ATG10: variants seen among roughly 807,000 people sequenced by gnomAD.
The protein encoded by ATG10 is autophagy related 10.
A neutral mutation model predicts 32.1 loss-of-function variants in ATG10; 30 were observed. The observed-to-expected ratio is 0.94, with a 90% CI of 0.70 to 1.27. The LOEUF is 1.27. Among genes scored for constraint, ATG10 ranks in the 50% most tolerant of loss-of-function variants. The pLI is 0.00. For missense variants in ATG10, 233 were observed against 262.3 expected, an observed-to-expected ratio of 0.89 and a Z score of 0.77; for synonymous variants, 87 against 91.5, an observed-to-expected ratio of 0.95 and a Z score of 0.28.
At chr5:82,253,507 A>G in intron 7 of ATG10, 78 bp downstream of exon 7, 4 of 1,018,168 alleles carry the variant, frequency 3.9e-6, no homozygotes, top group Non-Finnish European at 6.1e-6. Flanking sequence ...CATCCCACCA[A>G]ATGCAAAATT....
At chr5:82,014,349 T>C (rs1215803293) in intron 2 of ATG10, among the ~76,000 whole-genome samples, 1 of 152,200 alleles carries the variant, frequency 6.6e-6, no homozygotes, top group East Asian at 1.9e-4. Flanking sequence ...TTAGGTCCAC[T>C]TGGTGCAGAG....
chr5:81,995,487 A>G (rs1056056986), intron 2 of ATG10, among the ~76,000 whole-genome samples: 25 of 152,146 alleles, frequency 1.6e-4, no homozygotes, highest in Non-Finnish European at 3.4e-4. Context: ...AACAGTAGAG[A>G]ACTTTAAGTC....
intron 3 of ATG10, among the ~76,000 whole-genome samples, chr5:82,105,331 T>C (rs747779038): frequency 8.5e-5 from 13 of 152,104 alleles, no homozygotes; most frequent in Non-Finnish European, 1.8e-4. Context: ...AAAATGTCTT[T>C]TTAGATATTG....
At chr5:82,164,251 T>G (rs1239367683) in intron 3 of ATG10, 148 bp from the exon 4 acceptor site, 1 of 736,690 alleles carries the variant, frequency 1.4e-6, no homozygotes, top group African/African-American at 1.8e-5. Context: ...TGTTAAACAT[T>G]AATATGGGAA....
intron 3 of ATG10, among the ~76,000 whole-genome samples, chr5:82,082,836 A>T (rs1249331393): frequency 6.6e-6 from 1 of 152,230 alleles, no homozygotes; most frequent in African/African-American, 2.4e-5. Context: ...TGTAAACTAG[A>T]TAAACAACTA....
intron 2 of ATG10, among the ~76,000 whole-genome samples, chr5:82,026,545 C>T (rs1294024271): frequency 6.6e-6 from 1 of 151,968 alleles, no homozygotes; most frequent in East Asian, 1.9e-4. Context: ...CTTTCTGATA[C>T]TAGGTGTTGC....
At chr5:82,010,836 C>A (rs1443206325) in intron 2 of ATG10, among the ~76,000 whole-genome samples, 1 of 152,164 alleles carries the variant, frequency 6.6e-6, no homozygotes, top group East Asian at 1.9e-4. Flanking sequence ...ACTATAGCAG[C>A]AATTGCTTGT....
At chr5:82,251,291 A>G (rs373838086) in intron 5 of ATG10, among the ~76,000 whole-genome samples, 9 of 152,200 alleles carry the variant, frequency 5.9e-5, no homozygotes, top group East Asian at 5.8e-4. Flanking sequence ...CATCCCATCA[A>G]CAGCTCTGAG....
chr5:81,975,979 G>GTTAT (rs952793752), intron 1 of ATG10, among the ~76,000 whole-genome samples: 27 of 150,818 alleles, frequency 1.8e-4, no homozygotes, highest in African/African-American at 4.4e-4. Context: ...ATGTTGTAGA[G>GTTAT]TTATTTATTT....
intron 3 of ATG10, among the ~76,000 whole-genome samples, chr5:82,092,405 G>A (rs1050266212): frequency 6.6e-6 from 1 of 152,116 alleles, no homozygotes; most frequent in Non-Finnish European, 1.5e-5. Flanking sequence ...AGATATTTCT[G>A]GTATCTACTG....
chr5:82,045,820 A>G (rs923034384), intron 2 of ATG10, among the ~76,000 whole-genome samples: 4 of 151,870 alleles, frequency 2.6e-5, no homozygotes, highest in African/African-American at 7.3e-5. Flanking sequence ...TCTGCTAACT[A>G]TGTGAGTTTG....
chr5:82,184,427 C>A (rs1393410135), intron 5 of ATG10, among the ~76,000 whole-genome samples: 1 of 152,070 alleles, frequency 6.6e-6, no homozygotes, highest in African/African-American at 2.4e-5. Context: ...TTAAGCTATG[C>A]CAAATTTAGG....
At chr5:82,176,057 T>A (rs1005190244) in intron 4 of ATG10, among the ~76,000 whole-genome samples, 2 of 152,150 alleles carry the variant, frequency 1.3e-5, no homozygotes, top group African/African-American at 4.8e-5. Context: ...TCCAAACCAT[T>A]TACTCCATAC....
intron 2 of ATG10, among the ~76,000 whole-genome samples, chr5:82,020,273 T>A (rs1167189199): frequency 6.6e-6 from 1 of 152,198 alleles, no homozygotes; most frequent in African/African-American, 2.4e-5. Flanking sequence ...CTGCTGAGGT[T>A]ATGGGTTGAA....
At chr5:82,010,837 A>G (rs1284529279) in intron 2 of ATG10, among the ~76,000 whole-genome samples, 3 of 152,228 alleles carry the variant, frequency 2.0e-5, no homozygotes, top group Non-Finnish European at 2.9e-5. Context: ...CTATAGCAGC[A>G]ATTGCTTGTG....
chr5:82,189,107 A>G (rs1744563010), intron 5 of ATG10, among the ~76,000 whole-genome samples: 1 of 152,226 alleles, frequency 6.6e-6, no homozygotes, highest in African/African-American at 2.4e-5. Flanking sequence ...TACTTCCCTT[A>G]GTCCAATCTG....
intron 3 of ATG10, among the ~76,000 whole-genome samples, 163 bp downstream of exon 3, chr5:82,058,765 A>G (rs1169917035): frequency 5.3e-5 from 8 of 152,198 alleles, no homozygotes; most frequent in Non-Finnish European, 1.0e-4. Flanking sequence ...AAATATTTTA[A>G]AAACTTCAAA....
chr5:82,145,465 T>G (rs1170744239), intron 3 of ATG10, among the ~76,000 whole-genome samples: 2 of 152,114 alleles, frequency 1.3e-5, no homozygotes, highest in African/African-American at 4.8e-5. Context: ...ATCCTTAATT[T>G]TTTACTCAGA....
chr5:82,213,024 T>C (rs1208253243), intron 5 of ATG10, among the ~76,000 whole-genome samples: 1 of 152,194 alleles, frequency 6.6e-6, no homozygotes, highest in East Asian at 1.9e-4. Context: ...CCAAATAGGA[T>C]TGATTTTTTT....
Sources: gnomAD v4.1 joint callset for allele counts (sites outside exome capture counted in the v4.1 genomes callset) on GRCh38, gnomAD v4.1.1 for gene constraint, MANE v1.5 for transcripts, NCBI Gene and HGNC (gene_info 2026-07-23, HGNC 2026-07-21) for gene names.